MARK4: variants seen among roughly 807,000 people sequenced by gnomAD.
MARK4 encodes MAP/microtubule affinity-regulating kinase 4.
A neutral mutation model predicts 81.5 loss-of-function variants in MARK4; 19 were observed. The observed-to-expected ratio is 0.23, with a 90% CI of 0.16 to 0.34. The LOEUF (loss-of-function observed/expected upper bound fraction) is 0.34. Ranked by LOEUF, MARK4 falls within the 10% of genes least tolerant of loss-of-function variation. The pLI, the probability that MARK4 is intolerant of heterozygous loss-of-function variation, is 1.00. For missense variants in MARK4, 772 were observed against 1,058.8 expected, an observed-to-expected ratio of 0.73 and a Z score of 3.76; for synonymous variants, 436 against 439.0, an observed-to-expected ratio of 0.99 and a Z score of 0.08.
In MARK4 at chr19:45,287,749, C is replaced by T. The variant is rs187471211; in HGVS notation, c.1494+85C>T. ...CCCTGCCTTCATCTCATTCCCCAGA[C>T]GGAACTCCTTCTTACCAACTCCTTC... On this transcript the variant is annotated intron_variant, in intron 13 of 16. Coordinates refer to ENST00000262891, the MANE Select transcript of MARK4 (RefSeq NM_001199867.2). 8,410 of 1,436,306 alleles carry T rather than the reference C, an allele frequency of 5.9e-3. 105 individuals carry two copies. Among genetic ancestry groups the T allele is most frequent in the South Asian group, 0.033 (2,707 of 81,966 alleles). 89.0% of individuals were successfully genotyped at this position (1,436,306 alleles called of 1,614,324 possible). A position where few individuals can be genotyped will look rare whatever the true frequency, so the allele number is the denominator to read the frequency against.
In MARK4 at chr19:45,302,639, C is replaced by T. The variant is rs942736550; in HGVS notation, c.2188C>T (p.Arg730Cys). 3.9e-6 allele frequency: 6 copies of T among 1,541,510 alleles called. No individual in the cohort carries two copies. Among genetic ancestry groups the T allele is most frequent in the African/African-American group, 1.4e-5 (1 of 73,202 alleles). ...PRPGLRGVLF[R>C]RVAGTALAFR... ...GCCAGGCTTGCGGGGAGTTCTCTTCCGCCGTGTGGCGGGCACCGCCCTGGC... is the reference window on the plus strand; with the variant it reads ...GCCAGGCTTGCGGGGAGTTCTCTTCTGCCGTGTGGCGGGCACCGCCCTGGC... The change falls in exon 17 of 17, where the codon CGC becomes TGC. Residue 730 changes from arginine (R) to cysteine (C), a missense_variant. Physicochemically the swap from Arg to Cys is radical, Grantham distance 180. This residue lies in a region of MARK4 where 548 missense variants were observed against 624.3 expected (regional missense o/e 0.88). Transcript: ENST00000262891. This position sits in a 1 kb window ranked among gnomAD's most constrained non-coding sequence, Gnocchi z 4.9.
intron 8 of MARK4, among the ~76,000 whole-genome samples, chr19:45,276,264 C>T (rs943489677): frequency 1.3e-4 from 20 of 152,168 alleles, no homozygotes; most frequent in Non-Finnish European, 2.4e-4. Flanking sequence ...CGGGCTCAAG[C>T]GGTCTTCCCA....
intron 13 of MARK4, among the ~76,000 whole-genome samples, chr19:45,291,796 CAAAA>C (rs1453682266): frequency 6.6e-6 from 1 of 152,014 alleles, no homozygotes; most frequent in Non-Finnish European, 1.5e-5. Context: ...CAAAACAAAA[CAAAA>C]AACCACATTG....
At chr19:45,275,846 G>A (rs1026369708) in intron 8 of MARK4, among the ~76,000 whole-genome samples, 3 of 152,218 alleles carry the variant, frequency 2.0e-5, no homozygotes, top group Non-Finnish European at 4.4e-5. Flanking sequence ...AGGGGTAAGT[G>A]TCCTGAAAGT....
intron 10 of MARK4, among the ~76,000 whole-genome samples, chr19:45,279,212 C>A (rs1432083338): frequency 6.6e-6 from 1 of 151,362 alleles, no homozygotes. Flanking sequence ...AGGGTGAGAC[C>A]GTGTCTCAAA....
chr19:45,270,352 T>G (rs1007297803), intron 7 of MARK4, among the ~76,000 whole-genome samples: 1 of 152,146 alleles, frequency 6.6e-6, no homozygotes, highest in Non-Finnish European at 1.5e-5. Flanking sequence ...CGTTTCACCT[T>G]CACGTTATGC....
chr19:45,271,743 C>A lies in MARK4; in HGVS notation c.786+35C>A. On this transcript the variant is annotated intron_variant, in intron 8 of 16. Transcript: ENST00000262891. The surrounding 1 kb of genome is among the most constrained non-coding windows in gnomAD (Gnocchi z 4.1). The stretch of plus-strand genomic sequence containing the variant: ...GGGGCTGGGTGCAGGGGCATCAGCC[C>A]CTCCCCACAGTCAGGCCCCTATCCC... 3 of 1,593,892 alleles carry A rather than the reference C, an allele frequency of 1.9e-6. No homozygotes were observed. The highest frequency in any genetic ancestry group is 2.6e-6 in the Non-Finnish European group (3 of 1,165,926).
intron 12 of MARK4, among the ~76,000 whole-genome samples, chr19:45,281,753 AT>A (rs762802327): frequency 6.8e-4 from 103 of 152,276 alleles, no homozygotes; most frequent in Non-Finnish European, 1.3e-3. Flanking sequence ...GAATTAATCC[AT>A]TGTAACTGGG....
intron 2 of MARK4, among the ~76,000 whole-genome samples, chr19:45,260,628 C>G (rs969387792): frequency 6.6e-6 from 1 of 152,012 alleles, no homozygotes; most frequent in Non-Finnish European, 1.5e-5. Context: ...ACCCAGGAGG[C>G]GAAGGCCGCA....
intron 16 of MARK4, among the ~76,000 whole-genome samples, chr19:45,300,202 G>A (rs781474586): frequency 1.3e-5 from 2 of 151,936 alleles, no homozygotes; most frequent in Non-Finnish European, 2.9e-5. Context: ...AAAATTAGCC[G>A]GGCGTAGTGG....
chr19:45,272,969 C>T (rs751346445), intron 8 of MARK4, among the ~76,000 whole-genome samples: 3 of 152,296 alleles, frequency 2.0e-5, no homozygotes, highest in East Asian at 1.9e-4. Flanking sequence ...TTGTGCACTT[C>T]GCTTCAAACA....
rs749985213 is a variant in MARK4, at chr19:45,280,701, A to G, written c.1243A>G (p.Thr415Ala). 2.5e-6 allele frequency: 4 copies of G among 1,614,000 alleles called. No individual in the cohort carries two copies. The South Asian group carries it at 4.4e-5, about 18-fold the overall frequency. Residue 415 changes from threonine to alanine, a missense_variant, in exon 12 of 17, where the codon ACC (threonine) becomes GCC (alanine). Thr to Ala is a moderately conservative substitution (Grantham distance 58). Around this residue, in one of 3 missense-constraint regions of MARK4, gnomAD observed 548 missense variants for 624.3 expected, o/e 0.88. Transcript: ENST00000262891. ...HSKGQRSSSS[T>A]YHRQRRHSDF... ...CAAAGGGCAGCGGAGTTCCTCTTCC[A>G]CCTACCACCGCCAGCGCAGGCATAG...
intron 8 of MARK4, among the ~76,000 whole-genome samples, chr19:45,272,739 T>G (rs759719200): frequency 1.3e-5 from 2 of 151,870 alleles, no homozygotes; most frequent in African/African-American, 2.4e-5. Flanking sequence ...AATACAAAAA[T>G]TAACCGGGTG....
chr19:45,263,548 T>G (rs1160576099), intron 4 of MARK4, among the ~76,000 whole-genome samples, 181 bp downstream of exon 4: 2 of 151,688 alleles, frequency 1.3e-5, no homozygotes, highest in Non-Finnish European at 2.9e-5. Flanking sequence ...TCGACACCAG[T>G]CTGACCAACA....
intron 7 of MARK4, 34 bp downstream of exon 7, chr19:45,266,315 A>T (rs755924000): frequency 1.7e-4 from 271 of 1,609,478 alleles, no homozygotes; most frequent in Non-Finnish European, 2.2e-4. Flanking sequence ...CTCAGGGACC[A>T]CGGCTCAGCC....
intron 10 of MARK4, among the ~76,000 whole-genome samples, chr19:45,278,978 G>T (rs345407): frequency 1.6e-3 from 236 of 152,254 alleles, no homozygotes; most frequent in African/African-American, 5.1e-3. Context: ...CAGCACTTTG[G>T]GAGGTCGAGG....
At position 45,302,457 on chromosome 19, in the gene MARK4, CT is replaced by C; in HGVS notation, c.2007del (p.Pro670LeufsTer4). On this transcript the variant is annotated frameshift_variant, in exon 17 of 17. Transcript: ENST00000262891. LOFTEE classifies it high-confidence loss of function. This position sits in a 1 kb window ranked among gnomAD's most constrained non-coding sequence, Gnocchi z 4.9. The part of the protein sequence containing the change: ...PWSVKLTSSR[P>X]PEALMAALRQ... Reference sequence around the variant, plus strand: ...AGTGTGAAGCTGACCAGCTCGCGCCCTCCTGAGGCCCTGATGGCAGCTCTGC... The same window carrying C: ...AGTGTGAAGCTGACCAGCTCGCGCCCCCTGAGGCCCTGATGGCAGCTCTGC... The C allele has an allele frequency of 6.2e-7, 1 of 1,613,434 alleles. No individual in the cohort carries two copies. The highest frequency in any genetic ancestry group is 1.1e-5 in the South Asian group (1 of 91,086).
In MARK4 at chr19:45,271,976, C is replaced by T. The variant is rs1970533458; in HGVS notation, c.786+268C>T. Among the ~76,000 whole-genome samples, 1 of 152,176 alleles carries T rather than the reference C, an allele frequency of 6.6e-6. No homozygotes were observed. Among genetic ancestry groups the T allele is most frequent in the Non-Finnish European group, 1.5e-5 (1 of 68,030 alleles). Reference sequence around the variant, plus strand: ...CGTTCACTGAGCTAATATTTATGGCCCACTTCTCTGTGTCAGGCTCTGTTT... The same window carrying T: ...CGTTCACTGAGCTAATATTTATGGCTCACTTCTCTGTGTCAGGCTCTGTTT... On this transcript the variant is annotated intron_variant, in intron 8 of 16. Transcript: ENST00000262891. The surrounding 1 kb of genome is among the most constrained non-coding windows in gnomAD (Gnocchi z 4.1).
At chr19:45,288,711 A>G (rs1599798504) in intron 13 of MARK4, among the ~76,000 whole-genome samples, 1 of 147,996 alleles carries the variant, frequency 6.8e-6, no homozygotes, top group Admixed American at 6.7e-5. Flanking sequence ...TTAGCTGGGC[A>G]TGGTGGCATG....
Sources: allele counts gnomAD v4.1 joint callset (sites outside exome capture counted in the v4.1 genomes callset), GRCh38; gene constraint gnomAD v4.1.1; regional missense constraint gnomAD v4.1.1; non-coding constraint Gnocchi (gnomAD v3.1); transcripts MANE v1.5; gene names NCBI Gene and HGNC (gene_info 2026-07-23, HGNC 2026-07-21).